SLIT1: variants seen among roughly 807,000 people sequenced by gnomAD.
SLIT1 encodes slit guidance ligand 1.
A neutral mutation model predicts 186.1 loss-of-function variants in SLIT1; 66 were observed. That is an observed-to-expected ratio of 0.35 (90% CI 0.29 to 0.44). The LOEUF (loss-of-function observed/expected upper bound fraction) is 0.44, where lower values mean the gene tolerates loss of function less well. Ranked by LOEUF, SLIT1 falls within the 20% of genes least tolerant of loss-of-function variation. The probability of loss-of-function intolerance (pLI) is 1.00; values close to 1 mark genes in which losing one functional copy is unlikely to be tolerated. For missense variants in SLIT1, 1,638 were observed against 2,037.4 expected (o/e 0.80, Z 3.77); for synonymous variants, 761 against 833.8 (o/e 0.91, Z 1.50).
chr10:97,056,966 C>T (rs1047543542), intron 12 of SLIT1, among the ~76,000 whole-genome samples: 3 of 152,194 alleles, frequency 2.0e-5, no homozygotes, highest in African/African-American at 7.2e-5. Context: ...GAGCACGGGC[C>T]GAGTCTCAGG....
intron 4 of SLIT1, among the ~76,000 whole-genome samples, chr10:97,140,409 C>A (rs1012833936): frequency 6.6e-6 from 1 of 152,164 alleles, no homozygotes; most frequent in African/African-American, 2.4e-5. Context: ...CCCCTCCCAC[C>A]GCCCTCCTTG....
intron 4 of SLIT1, among the ~76,000 whole-genome samples, chr10:97,114,252 C>T (rs1282925527): frequency 1.3e-5 from 2 of 152,234 alleles, no homozygotes; most frequent in East Asian, 3.8e-4. Context: ...GAAGCACCGA[C>T]TCCCACTCTG....
chr10:97,057,786 G>T (rs960875004), intron 11 of SLIT1: 3 of 514,084 alleles, frequency 5.8e-6, no homozygotes, highest in Non-Finnish European at 7.0e-6. Flanking sequence ...AAAGTTTTCT[G>T]CATTGAGCAT....
At chr10:97,015,327 G>A (rs1200808175) in intron 28 of SLIT1, among the ~76,000 whole-genome samples, 1 of 152,138 alleles carries the variant, frequency 6.6e-6, no homozygotes, top group Non-Finnish European at 1.5e-5. Context: ...TAAGTCAAGA[G>A]GTTTCCAGTT....
chr10:97,021,623 C>T lies in SLIT1; in HGVS notation c.2583-210G>A, dbSNP rs58934362. Among the ~76,000 whole-genome samples the T allele has an allele frequency of 0.04, 5,982 of 150,610 alleles. 248 individuals carry two copies. Among genetic ancestry groups the T allele is most frequent in the East Asian group, 0.23 (1,168 of 5,090 alleles). ...TGTCGCCCAGGCTGGAGTGCAGTGGCGTAATATCAGCTCACTGCAACCTCT... is the reference window on the plus strand; with the variant it reads ...TGTCGCCCAGGCTGGAGTGCAGTGGTGTAATATCAGCTCACTGCAACCTCT... On this transcript the variant is annotated intron_variant, in intron 25 of 36. Coordinates refer to ENST00000266058, the MANE Select transcript of SLIT1 (RefSeq NM_003061.3). This position sits in a 1 kb window ranked among gnomAD's most constrained non-coding sequence, Gnocchi z 4.5.
In SLIT1 at chr10:97,018,685, T is replaced by TG. The variant is rs1271026563; in HGVS notation, c.2872-3dup. 2.5e-6 allele frequency: 4 copies of TG among 1,572,820 alleles called. No individual in the cohort carries two copies. The South Asian group carries it at 3.5e-5, about 14-fold the overall frequency. ...CAGGGACACCTCACAGTCTCGACCC[T>TG]GGGGGGAAAGTCAGTGATGGGGACC... is the stretch of plus-strand genomic sequence containing the variant. On this transcript the variant is annotated splice_polypyrimidine_tract_variant and splice_region_variant and intron_variant, in intron 27 of 36. Transcript: ENST00000266058.
At chr10:97,018,408 T>C (rs1317259620) in intron 28 of SLIT1, among the ~76,000 whole-genome samples, 178 bp downstream of exon 28, 1 of 152,216 alleles carries the variant, frequency 6.6e-6, no homozygotes, top group African/African-American at 2.4e-5. Flanking sequence ...CTTGGCCTGG[T>C]GGGCTTGGAG....
chr10:97,160,452 T>G (rs1276279944), intron 3 of SLIT1, among the ~76,000 whole-genome samples: 4 of 152,270 alleles, frequency 2.6e-5, no homozygotes, highest in Admixed American at 1.3e-4. Flanking sequence ...GGGTGTCATT[T>G]TAAAAATCAG....
At chr10:97,182,051 G>A (rs187097977) in intron 1 of SLIT1, among the ~76,000 whole-genome samples, 48 of 152,306 alleles carry the variant, frequency 3.2e-4, no homozygotes, top group Middle Eastern at 3.4e-3. Flanking sequence ...TTCCCGGGCC[G>A]CCTCCGCCAC....
At chr10:97,059,587 C>T (rs758458438) in intron 10 of SLIT1, 56 bp from the exon 11 acceptor site, 1 of 1,317,300 alleles carries the variant, frequency 7.6e-7, no homozygotes, top group Non-Finnish European at 1.1e-6. Flanking sequence ...GCCACTAAGC[C>T]CTGCCCAGTC....
At chr10:97,077,364 T>G (rs1215277324) in intron 4 of SLIT1, among the ~76,000 whole-genome samples, 3 of 152,112 alleles carry the variant, frequency 2.0e-5, no homozygotes, top group Non-Finnish European at 4.4e-5. Flanking sequence ...CAAGTTCCCC[T>G]TCCTAATCCT....
chr10:97,139,378 C>T (rs1481625981), intron 4 of SLIT1, among the ~76,000 whole-genome samples: 1 of 152,240 alleles, frequency 6.6e-6, no homozygotes, highest in Admixed American at 6.5e-5. Flanking sequence ...CATCCCCATT[C>T]TCTTCTTTCC....
intron 8 of SLIT1, 43 bp downstream of exon 8, chr10:97,063,412 G>C (rs779242284): frequency 6.2e-7 from 1 of 1,606,116 alleles, no homozygotes; most frequent in African/African-American, 1.3e-5. Context: ...GGCAGGGCAG[G>C]AGGCGCCGGA....
chr10:97,084,911 T>C (rs1849141947), intron 4 of SLIT1, among the ~76,000 whole-genome samples: 1 of 148,820 alleles, frequency 6.7e-6, no homozygotes, highest in Non-Finnish European at 1.5e-5. Flanking sequence ...CCGGCCACTG[T>C]TACTTTTCTT....
In SLIT1 at chr10:97,164,301, C is replaced by T. The variant is rs537947880; in HGVS notation, c.269+518G>A. Among the ~76,000 whole-genome samples the T allele has an allele frequency of 2.7e-4, 41 of 152,212 alleles. 1 individual carries two copies. The South Asian group carries it at 8.3e-3, about 31-fold the overall frequency. ...GCAGGGCAGGGGGGGGAACCGCCAC[C>T]AGATATTTCTCTTTCTCTGCTTTGT... On this transcript the variant is annotated intron_variant, in intron 2 of 36. Transcript: ENST00000266058.
chr10:97,013,691 G>T, intron 30 of SLIT1, 50 bp downstream of exon 30: 1 of 1,362,874 alleles, frequency 7.3e-7, no homozygotes, highest in South Asian at 1.2e-5. Flanking sequence ...AATCCAGTCT[G>T]ACTCAGGGGC....
intron 13 of SLIT1, among the ~76,000 whole-genome samples, chr10:97,052,789 A>C (rs766835146): frequency 1.4e-4 from 21 of 152,258 alleles, no homozygotes; most frequent in Admixed American, 3.3e-4. Flanking sequence ...GGTTTAATAA[A>C]ATAAGACTCA....
At chr10:97,009,994 T>C (rs548922967) in intron 31 of SLIT1, among the ~76,000 whole-genome samples, 158 of 152,266 alleles carry the variant, frequency 1.0e-3, no homozygotes, top group African/African-American at 3.8e-3. Flanking sequence ...AAAAAACAGT[T>C]TGGTAGTTCC....
At position 97,166,561 on chromosome 10, in the gene SLIT1, G is replaced by A. The variant is rs866427539; in HGVS notation, c.198-1671C>T. On this transcript the variant is annotated intron_variant, in intron 1 of 36. Transcript: ENST00000266058. Reference sequence around the variant, plus strand: ...AAGGAAGGAAGGAAGGAAGGAAAGAGAGAGAGAGAGAAAGAAAGAAAGAAA... The same window carrying A: ...AAGGAAGGAAGGAAGGAAGGAAAGAAAGAGAGAGAGAAAGAAAGAAAGAAA... 2.6e-3 allele frequency among the ~76,000 whole-genome samples: 99 copies of A among 37,988 alleles called. 5 individuals carry two copies. The highest frequency in any genetic ancestry group is 4.5e-3 in the Admixed American group (14 of 3,140). 24.9% of individuals were successfully genotyped at this position (37,988 alleles called of 152,430 possible). A position where few individuals can be genotyped will look rare whatever the true frequency, so the allele number is the denominator to read the frequency against.
Sources: allele counts gnomAD v4.1 joint callset (sites outside exome capture counted in the v4.1 genomes callset), GRCh38; gene constraint gnomAD v4.1.1; non-coding constraint Gnocchi (gnomAD v3.1); transcripts MANE v1.5; gene names NCBI Gene and HGNC (gene_info 2026-07-23, HGNC 2026-07-21).